DCC: variants seen among roughly 807,000 people sequenced by gnomAD.
DCC encodes DCC netrin 1 receptor, also known as netrin receptor DCC.
Under a neutral mutation model 172.5 loss-of-function variants are expected in DCC, and 58 were observed. The ratio of observed to expected loss-of-function variants is 0.34; its 90% CI spans 0.27 to 0.42. DCC has a LOEUF of 0.42. Ranked by LOEUF, DCC falls within the 10% of genes least tolerant of loss-of-function variation. The pLI is 1.00. For missense variants in DCC, 1,740 were observed against 1,791.0 expected (o/e 0.97, Z 0.51); for synonymous variants, 709 against 644.5 (o/e 1.10, Z -1.52).
At chr18:52,360,431 T>C (rs1984568978) in intron 1 of DCC, among the ~76,000 whole-genome samples, 1 of 152,212 alleles carries the variant, frequency 6.6e-6, no homozygotes, top group Non-Finnish European at 1.5e-5. Context: ...TTCTCTCCCA[T>C]TGTAGTGTAA....
chr18:52,666,644 C>T (rs1038030368), intron 1 of DCC, among the ~76,000 whole-genome samples: 1 of 152,118 alleles, frequency 6.6e-6, no homozygotes, highest in Non-Finnish European at 1.5e-5. Flanking sequence ...CTACTATTAA[C>T]AGTACTTTGG....
intron 12 of DCC, among the ~76,000 whole-genome samples, chr18:53,291,163 A>G (rs1598989177): frequency 6.6e-6 from 1 of 151,998 alleles, no homozygotes; most frequent in African/African-American, 2.4e-5. Flanking sequence ...GCAAGACTGC[A>G]TTTCGAAAAA....
chr18:52,567,068 G>A (rs1488640361), intron 1 of DCC, among the ~76,000 whole-genome samples: 1 of 152,084 alleles, frequency 6.6e-6, no homozygotes, highest in African/African-American at 2.4e-5. Context: ...AGTACCGATT[G>A]TTATTAAAAT....
chr18:53,091,492 A>C (rs184002803), intron 7 of DCC, among the ~76,000 whole-genome samples: 9 of 151,574 alleles, frequency 5.9e-5, no homozygotes, highest in Admixed American at 4.6e-4. Flanking sequence ...TTTATTTCTC[A>C]TGGTTCTGGT....
chr18:52,656,383 C>G (rs979232447), intron 1 of DCC, among the ~76,000 whole-genome samples: 2 of 152,006 alleles, frequency 1.3e-5, no homozygotes, highest in Non-Finnish European at 2.9e-5. Context: ...TGGGCCCTCA[C>G]CAGACATTCA....
chr18:52,340,798 G>T lies in DCC; in HGVS notation c.11G>T (p.Ser4Ile). ...GGTGTTGGCTGAAATATGGAGAATA[G>T]TCTTAGATGTGTTTGGGTACCCAAG... MEN[S>I]LRCVWVPKLA... The change falls in exon 1 of 29, where the codon AGT becomes ATT. Residue 4 changes from serine (S) to isoleucine (I), a missense_variant. Physicochemically the swap from Ser to Ile is moderately radical, Grantham distance 142. Coordinates refer to ENST00000442544, the MANE Select transcript of DCC (RefSeq NM_005215.4). The T allele has an allele frequency of 1.2e-6, 2 of 1,614,048 alleles. No homozygotes were observed. The highest frequency in any genetic ancestry group is 1.7e-6 in the Non-Finnish European group (2 of 1,179,944).
intron 1 of DCC, among the ~76,000 whole-genome samples, chr18:52,517,515 C>T (rs2031679930): frequency 6.6e-6 from 1 of 152,192 alleles, no homozygotes; most frequent in Non-Finnish European, 1.5e-5. Flanking sequence ...GAAATGAAGA[C>T]ATCATCATAT....
chr18:52,999,201 T>A (rs1323385326), intron 5 of DCC, among the ~76,000 whole-genome samples: 1 of 140,360 alleles, frequency 7.1e-6, no homozygotes, highest in Non-Finnish European at 1.6e-5. Context: ...GGCAACAACA[T>A]TTTTTTTTTG....
intron 1 of DCC, among the ~76,000 whole-genome samples, chr18:52,517,700 G>T (rs2031685618): frequency 6.6e-6 from 1 of 152,170 alleles, no homozygotes; most frequent in Non-Finnish European, 1.5e-5. Context: ...ACGGTCCCCA[G>T]ATCAAGATAT....
At chr18:52,411,922 C>G (rs934103317) in intron 1 of DCC, among the ~76,000 whole-genome samples, 1 of 152,134 alleles carries the variant, frequency 6.6e-6, no homozygotes, top group Non-Finnish European at 1.5e-5. Flanking sequence ...CCAAATATTC[C>G]ATGCATCTCA....
intron 9 of DCC, among the ~76,000 whole-genome samples, chr18:53,187,507 C>T (rs1355511099): frequency 1.3e-4 from 20 of 152,088 alleles, no homozygotes; most frequent in Non-Finnish European, 4.4e-5. Context: ...TAATTTGATG[C>T]ACAAACCATA....
chr18:53,090,032 T>C (rs2042979865), intron 7 of DCC, among the ~76,000 whole-genome samples: 1 of 152,216 alleles, frequency 6.6e-6, no homozygotes, highest in Non-Finnish European at 1.5e-5. Flanking sequence ...CCCCTCGCTA[T>C]TTGGCACACT....
chr18:53,205,792 T>G (rs1035309767), intron 10 of DCC, among the ~76,000 whole-genome samples: 2 of 152,118 alleles, frequency 1.3e-5, no homozygotes, highest in Non-Finnish European at 2.9e-5. Flanking sequence ...CCTTCCATCA[T>G]CAGGATGTGT....
chr18:53,331,612 A>C (rs2057530365), intron 14 of DCC, among the ~76,000 whole-genome samples: 1 of 152,226 alleles, frequency 6.6e-6, no homozygotes, highest in Non-Finnish European at 1.5e-5. Flanking sequence ...GGAAGTTGGC[A>C]GTGTTTAAAT....
intron 7 of DCC, among the ~76,000 whole-genome samples, chr18:53,121,240 G>A (rs998245340): frequency 6.6e-6 from 1 of 151,806 alleles, no homozygotes; most frequent in African/African-American, 2.4e-5. Context: ...GCAAATCGCT[G>A]GGGATACGTA....
chr18:52,699,756 G>T (rs977422261), intron 1 of DCC, among the ~76,000 whole-genome samples: 2 of 152,132 alleles, frequency 1.3e-5, no homozygotes, highest in Admixed American at 6.5e-5. Context: ...AGGCAGTTAG[G>T]ATATTACTTT....
rs190642252 is a variant in DCC at position 53,030,447 on chromosome 18, G to T, written c.986-32858G>T. On this transcript the variant is annotated intron_variant, in intron 5 of 28. Transcript: ENST00000442544. The stretch of plus-strand genomic sequence containing the variant: ...CTATTCCATTTTCATTTCTATTTTA[G>T]TATTCTATCTAGTATTCAGGATTAG... Among the ~76,000 whole-genome samples the T allele has an allele frequency of 8.0e-4, 121 of 151,854 alleles. No homozygotes were observed. In the South Asian group the frequency reaches 0.011, roughly 14 times the overall value.
intron 5 of DCC, among the ~76,000 whole-genome samples, chr18:53,030,217 G>T (rs1220090952): frequency 6.6e-6 from 1 of 152,172 alleles, no homozygotes; most frequent in African/African-American, 2.4e-5. Flanking sequence ...CCCCAGTAAA[G>T]TAGGACCACT....
intron 11 of DCC, 95 bp from the exon 12 acceptor site, chr18:53,215,453 T>C: frequency 9.7e-7 from 1 of 1,031,394 alleles, no homozygotes; most frequent in Non-Finnish European, 1.5e-6. Flanking sequence ...TTATAAACTA[T>C]ATAAACAAAA....
Sources: gnomAD v4.1 joint callset for allele counts (sites outside exome capture counted in the v4.1 genomes callset) on GRCh38, gnomAD v4.1.1 for gene constraint, MANE v1.5 for transcripts, NCBI Gene and HGNC (gene_info 2026-07-23, HGNC 2026-07-21) for gene names.